P3H2: variants seen among roughly 807,000 people sequenced by gnomAD.
P3H2 encodes prolyl 3-hydroxylase 2, also known as leprecan-like 1.
A neutral mutation model predicts 87.0 loss-of-function variants in P3H2; 80 were observed. The ratio of observed to expected loss-of-function variants is 0.92; its 90% confidence interval spans 0.77 to 1.11. P3H2 has a LOEUF of 1.11. Among genes scored for constraint, P3H2 ranks in the 50% least tolerant of loss-of-function variants. The pLI is 0.00. For synonymous variants in P3H2, 367 were observed against 359.3 expected, an observed-to-expected ratio of 1.02 and a Z score of -0.24; for missense variants, 1,001 against 923.9, an observed-to-expected ratio of 1.08 and a Z score of -1.08.
intron 11 of P3H2, 81 bp from the exon 12 acceptor site, chr3:189,972,088 C>G (rs1226988106): frequency 2.3e-6 from 2 of 861,070 alleles, no homozygotes; most frequent in African/African-American, 3.3e-5. Context: ...TCTCTTCTCC[C>G]AGTCCTGATG....
At chr3:189,971,616 C>G (rs146898152) in intron 12 of P3H2, 4 of 408,920 alleles carry the variant, frequency 9.8e-6, no homozygotes. Context: ...CCAGGGAGAA[C>G]AGGAATTTTT....
At chr3:189,958,646 C>A (rs1722713205) in intron 14 of P3H2, among the ~76,000 whole-genome samples, 1 of 151,902 alleles carries the variant, frequency 6.6e-6, no homozygotes, top group Non-Finnish European at 1.5e-5. Flanking sequence ...ACAACCTCCC[C>A]CACCAACCCC....
intron 1 of P3H2, among the ~76,000 whole-genome samples, chr3:190,082,008 C>G (rs985509979): frequency 2.6e-5 from 4 of 152,154 alleles, no homozygotes; most frequent in African/African-American, 9.7e-5. Context: ...AATCCTAGCA[C>G]TTTAGGAGGC....
chr3:190,003,525 A>T (rs549729687), intron 1 of P3H2, among the ~76,000 whole-genome samples: 1 of 152,112 alleles, frequency 6.6e-6, no homozygotes, highest in South Asian at 2.1e-4. Context: ...TCTAAGTATT[A>T]GCCAGAAATA....
intron 1 of P3H2, among the ~76,000 whole-genome samples, chr3:190,090,761 ATTC>A (rs1169956862): frequency 6.6e-6 from 1 of 152,114 alleles, no homozygotes; most frequent in African/African-American, 2.4e-5. Flanking sequence ...ACCTAGTAGA[ATTC>A]TTCACCAGGC....
chr3:189,992,937 A>G (rs1723922729), intron 3 of P3H2, among the ~76,000 whole-genome samples: 1 of 152,210 alleles, frequency 6.6e-6, no homozygotes, highest in Non-Finnish European at 1.5e-5. Flanking sequence ...TTGTGTTTGT[A>G]GATCAGCTTG....
In P3H2 at chr3:190,062,158, G is replaced by A. The variant is rs148733747; in HGVS notation, c.480+58094C>T. Among the ~76,000 whole-genome samples the A allele has an allele frequency of 3.0e-3, 452 of 152,112 alleles. 4 individuals are homozygous for A. The highest frequency in any genetic ancestry group is 0.01 in the African/African-American group (426 of 41,502). On this transcript the variant is annotated intron_variant, in intron 1 of 14. Transcript: ENST00000319332. ...CCTTCATCACAGTCATTTTATATCA[G>A]TTGTGTTCATATGCTATCCATCCTT...
At chr3:190,005,343 G>C (rs1172637983) in intron 1 of P3H2, among the ~76,000 whole-genome samples, 3 of 152,196 alleles carry the variant, frequency 2.0e-5, no homozygotes, top group Non-Finnish European at 4.4e-5. Flanking sequence ...GACTGCATGG[G>C]GGCATATAGA....
At chr3:190,022,971 C>T (rs961746579) in intron 1 of P3H2, among the ~76,000 whole-genome samples, 40 of 152,204 alleles carry the variant, frequency 2.6e-4, no homozygotes, top group Admixed American at 1.4e-3. Context: ...GGACTACAGG[C>T]ACCCACCACC....
At chr3:190,044,318 A>C (rs542246515) in intron 1 of P3H2, among the ~76,000 whole-genome samples, 1 of 152,334 alleles carries the variant, frequency 6.6e-6, no homozygotes, top group African/African-American at 2.4e-5. Flanking sequence ...CAGATGAGCC[A>C]GATGCCAAAT....
At chr3:189,982,291 T>A (rs1723561597) in intron 8 of P3H2, among the ~76,000 whole-genome samples, 1 of 152,188 alleles carries the variant, frequency 6.6e-6, no homozygotes, top group South Asian at 2.1e-4. Flanking sequence ...AGTATGCAAA[T>A]AAATTGTGTG....
At chr3:190,074,438 G>T (rs1462985793) in intron 1 of P3H2, among the ~76,000 whole-genome samples, 1 of 152,102 alleles carries the variant, frequency 6.6e-6, no homozygotes, top group Non-Finnish European at 1.5e-5. Flanking sequence ...TTGAACCCAG[G>T]AGGCGGAGGT....
At chr3:189,994,781 G>A (rs1723997268) in intron 2 of P3H2, among the ~76,000 whole-genome samples, 1 of 149,810 alleles carries the variant, frequency 6.7e-6, no homozygotes, top group South Asian at 2.1e-4. Flanking sequence ...CTTTCAACAT[G>A]TGATTTCAAG....
At position 189,973,174 on chromosome 3, in the gene P3H2, G is replaced by T. The variant is rs1699475153; in HGVS notation, c.1549-150C>A. 4.4e-6 allele frequency: 3 copies of T among 681,780 alleles called. No individual in the cohort carries two copies. In the Admixed American group the frequency reaches 8.6e-5, roughly 19 times the overall value. The allele number at this position is 681,780 out of a possible 1,614,324, so 42.2% of individuals were successfully genotyped here. Reference sequence around the variant, plus strand: ...ACTACATATTTGTGGATTTCGGTTAGGACATTGTGCCATTGGAATAAACTC... The same window carrying T: ...ACTACATATTTGTGGATTTCGGTTATGACATTGTGCCATTGGAATAAACTC... On this transcript the variant is annotated intron_variant, in intron 10 of 14. Transcript: ENST00000319332.
Position 189,963,878 on chromosome 3 carries a change from G to A in P3H2, c.2034+80C>T, listed in dbSNP as rs908679829. ...CTTTACCCTCTTCTTTTCCTCAGAC[G>A]AAGCAATTTAAAGGACTTCTCAGAT... On this transcript the variant is annotated intron_variant, in intron 14 of 14. Transcript: ENST00000319332. 1.2e-5 allele frequency: 18 copies of A among 1,450,436 alleles called. No individual in the cohort carries two copies. The Middle Eastern group carries it at 7.1e-4, about 57-fold the overall frequency. The allele number at this position is 1,450,436 out of a possible 1,614,324, so 89.8% of individuals were successfully genotyped here.
intron 1 of P3H2, among the ~76,000 whole-genome samples, chr3:190,104,121 T>C (rs1443886751): frequency 6.6e-6 from 1 of 152,138 alleles, no homozygotes; most frequent in African/African-American, 2.4e-5. Flanking sequence ...AAAGTATTGG[T>C]AACAAAACTC....
chr3:190,077,433 CCTT>C (rs1726906673), intron 1 of P3H2, among the ~76,000 whole-genome samples: 1 of 152,200 alleles, frequency 6.6e-6, no homozygotes, highest in Non-Finnish European at 1.5e-5. Context: ...CCCTTTCTCT[CCTT>C]CTTTCTCTTT....
chr3:190,008,876 G>A (rs916301567), intron 1 of P3H2, among the ~76,000 whole-genome samples: 1 of 152,074 alleles, frequency 6.6e-6, no homozygotes, highest in Non-Finnish European at 1.5e-5. Context: ...GGGGGGTGGG[G>A]TGGGAAATCA....
Position 189,974,653 on chromosome 3 carries a change from C to T in P3H2, c.1357G>A (p.Val453Ile), listed in dbSNP as rs780112859. Reference protein sequence around the residue: ...GPLLYENITFVYNSEQLNGTQ... With the variant: ...GPLLYENITFIYNSEQLNGTQ... ...CCGTTCAGCTGCTCCGAGTTGTAGA[C>T]GAATGTGATGTTCTCATAGAGTAGA... The change falls in exon 9 of 15, where the codon GTC becomes ATC. Residue 453 changes from valine (V) to isoleucine (I), a missense_variant. Coordinates refer to ENST00000319332, the MANE Select transcript of P3H2 (RefSeq NM_018192.4). 5.1e-5 allele frequency: 82 copies of T among 1,614,038 alleles called. No individual in the cohort carries two copies. Among genetic ancestry groups the T allele is most frequent in the Non-Finnish European group, 6.4e-5 (75 of 1,180,048 alleles).
Sources: gnomAD v4.1 joint callset for allele counts (sites outside exome capture counted in the v4.1 genomes callset) on GRCh38, gnomAD v4.1.1 for gene constraint, MANE v1.5 for transcripts, NCBI Gene and HGNC (gene_info 2026-07-23, HGNC 2026-07-21) for gene names.